RSRC1: variants seen among roughly 807,000 people sequenced by gnomAD.
The protein encoded by RSRC1 is arginine and serine rich coiled-coil 1, also known as serine/Arginine-related protein 53.
A neutral mutation model predicts 49.1 loss-of-function variants in RSRC1; 39 were observed. The ratio of observed to expected loss-of-function variants is 0.79; its 90% CI spans 0.61 to 1.04. The LOEUF (loss-of-function observed/expected upper bound fraction) is 1.04. RSRC1 is among the 50% of genes least tolerant of loss of function. The pLI, the probability that RSRC1 is intolerant of heterozygous loss-of-function variation, is 0.00. For synonymous variants in RSRC1, 143 were observed against 130.8 expected (o/e 1.09, Z -0.63); for missense variants, 388 against 402.4 (o/e 0.96, Z 0.31).
At chr3:158,502,044 G>T (rs1211889899) in intron 7 of RSRC1, among the ~76,000 whole-genome samples, 1 of 152,152 alleles carries the variant, frequency 6.6e-6, no homozygotes, top group Admixed American at 6.5e-5. Flanking sequence ...CCTTTTAGCA[G>T]GTCTTGCAGT....
intron 5 of RSRC1, among the ~76,000 whole-genome samples, chr3:158,350,265 C>T (rs1412967409): frequency 1.3e-5 from 2 of 150,534 alleles, no homozygotes; most frequent in African/African-American, 4.9e-5. Context: ...GCAGTCTTCA[C>T]CTCCCAGGCT....
intron 6 of RSRC1, among the ~76,000 whole-genome samples, chr3:158,426,059 A>G (rs1038736961): frequency 6.6e-6 from 1 of 151,680 alleles, no homozygotes; most frequent in African/African-American, 2.4e-5. Flanking sequence ...GATAGTGTTA[A>G]AAGAATTTAT....
At chr3:158,364,875 AAATT>A (rs1019561499) in intron 6 of RSRC1, among the ~76,000 whole-genome samples, 88 of 149,870 alleles carry the variant, frequency 5.9e-4, no homozygotes, top group African/African-American at 2.0e-3. Flanking sequence ...ATTTATAAAT[AAATT>A]AATTTAATAA....
intron 3 of RSRC1, among the ~76,000 whole-genome samples, chr3:158,166,839 C>T (rs1718568118): frequency 6.6e-6 from 1 of 152,078 alleles, no homozygotes; most frequent in Admixed American, 6.6e-5. Flanking sequence ...ATATTTTGAA[C>T]ACATATTTTA....
At chr3:158,124,959 G>C (rs1715522530) in intron 3 of RSRC1, among the ~76,000 whole-genome samples, 1 of 151,576 alleles carries the variant, frequency 6.6e-6, no homozygotes, top group Non-Finnish European at 1.5e-5. Context: ...AGAAATACAA[G>C]CATACACCAC....
At chr3:158,118,649 T>G (rs1267541476) in intron 1 of RSRC1, among the ~76,000 whole-genome samples, 2 of 152,240 alleles carry the variant, frequency 1.3e-5, no homozygotes, top group Non-Finnish European at 2.9e-5. Context: ...TTTGCTTTTT[T>G]TCTTTCTGTT....
chr3:158,302,747 C>T (rs1261537905), intron 5 of RSRC1: 1 of 149,022 alleles, frequency 6.7e-6, no homozygotes, highest in African/African-American at 2.5e-5. Context: ...CTGCAGCCTC[C>T]ACCTCGCAGG....
intron 4 of RSRC1, among the ~76,000 whole-genome samples, chr3:158,230,238 C>T (rs1328010468): frequency 1.3e-5 from 2 of 151,496 alleles, no homozygotes; most frequent in Non-Finnish European, 2.9e-5. Flanking sequence ...TCTTTTTTGC[C>T]AGGAATACCA....
chr3:158,500,671 A>G (rs1394218501), intron 7 of RSRC1, among the ~76,000 whole-genome samples: 2 of 152,038 alleles, frequency 1.3e-5, no homozygotes, highest in Admixed American at 1.3e-4. Flanking sequence ...AGTAGCCTTG[A>G]ATGATCTACA....
At chr3:158,364,849 T>TA (rs1731673045) in intron 6 of RSRC1, among the ~76,000 whole-genome samples, 4 of 147,596 alleles carry the variant, frequency 2.7e-5, no homozygotes, top group East Asian at 2.0e-4. Context: ...ATAATAATAA[T>TA]ATGTACCTTG....
At chr3:158,495,114 T>C (rs1055036418) in intron 7 of RSRC1, among the ~76,000 whole-genome samples, 1 of 152,194 alleles carries the variant, frequency 6.6e-6, no homozygotes, top group Non-Finnish European at 1.5e-5. Flanking sequence ...ATGACATCAC[T>C]GGGCAATAGG....
chr3:158,200,222 T>C (rs1720958182), intron 3 of RSRC1, among the ~76,000 whole-genome samples: 1 of 152,072 alleles, frequency 6.6e-6, no homozygotes, highest in South Asian at 2.1e-4. Context: ...TATTTTTTAG[T>C]AGAGACAGGG....
At chr3:158,182,232 G>A (rs975107087) in intron 3 of RSRC1, among the ~76,000 whole-genome samples, 3 of 152,142 alleles carry the variant, frequency 2.0e-5, no homozygotes, top group Admixed American at 1.3e-4. Context: ...CCCATGCAAA[G>A]GCCAAACGTC....
intron 3 of RSRC1, among the ~76,000 whole-genome samples, chr3:158,196,723 T>C (rs1283185306): frequency 6.6e-6 from 1 of 152,142 alleles, no homozygotes; most frequent in Non-Finnish European, 1.5e-5. Flanking sequence ...GTTGTTGAAT[T>C]TTGTCGAAGG....
intron 4 of RSRC1, among the ~76,000 whole-genome samples, chr3:158,268,524 GT>G (rs2108050203): frequency 6.6e-6 from 1 of 152,178 alleles, no homozygotes; most frequent in South Asian, 2.1e-4. Context: ...CTACTATTGT[GT>G]TTCTGCAGCC....
chr3:158,535,983 T>C (rs906173428), intron 7 of RSRC1, among the ~76,000 whole-genome samples: 2 of 151,446 alleles, frequency 1.3e-5, no homozygotes, highest in African/African-American at 4.8e-5. Flanking sequence ...AGTATCACCA[T>C]TTTACAACCT....
chr3:158,445,514 G>T (rs1382500477), intron 6 of RSRC1, among the ~76,000 whole-genome samples: 1 of 151,976 alleles, frequency 6.6e-6, no homozygotes, highest in Non-Finnish European at 1.5e-5. Context: ...TGGGGTGGGG[G>T]TAGCGGGGAG....
At chr3:158,346,044 A>G (rs959623148) in intron 5 of RSRC1, among the ~76,000 whole-genome samples, 9 of 152,140 alleles carry the variant, frequency 5.9e-5, no homozygotes, top group African/African-American at 1.9e-4. Context: ...ATAGAATTAA[A>G]TGTAAAACAA....
intron 7 of RSRC1, among the ~76,000 whole-genome samples, chr3:158,462,357 G>T (rs1737660152): frequency 6.6e-6 from 1 of 151,874 alleles, no homozygotes; most frequent in Non-Finnish European, 1.5e-5. Context: ...CTGCTATGTT[G>T]TGTGGCATTC....
Sources: gnomAD v4.1 joint callset for allele counts (sites outside exome capture counted in the v4.1 genomes callset) on GRCh38, gnomAD v4.1.1 for gene constraint, MANE v1.5 for transcripts, NCBI Gene and HGNC (gene_info 2026-07-23, HGNC 2026-07-21) for gene names.